The following ZNF157 variants were observed in gnomAD, a reference collection of about 807,000 sequenced individuals.
ZNF157 encodes the protein zinc finger protein 22.
Under a neutral mutation model 9.4 loss-of-function variants are expected in ZNF157, and 8 were observed. That is an observed-to-expected ratio of 0.85 (90% CI 0.50 to 1.53). The LOEUF (loss-of-function observed/expected upper bound fraction) is 1.53, where lower values mean the gene tolerates loss of function less well. ZNF157 is among the 40% of genes most tolerant of loss of function. The pLI is 0.00. For missense variants in ZNF157, 316 were observed against 385.2 expected (o/e 0.82, Z 1.50); for synonymous variants, 120 against 130.8 (o/e 0.92, Z 0.56).
intron 1 of ZNF157, among the ~76,000 whole-genome samples, chrX:47,386,384 C>T (rs1396908815): frequency 1.8e-5 from 2 of 110,975 alleles, no homozygotes; most frequent in African/African-American, 3.3e-5. Flanking sequence ...TTCCTAACCC[C>T]GACACTAATC....
rs749241107 is a variant in ZNF157 at position 47,413,573 on chromosome X, A to C, written c.1500A>C (p.Thr500=). 8.4e-7 allele frequency: 1 copy of C among 1,195,534 alleles called. No individual in the cohort carries two copies. Among genetic ancestry groups the C allele is most frequent in the Admixed American group, 2.3e-5 (1 of 44,227 alleles). The change falls in exon 4 of 4, where the codon ACA becomes ACC. Residue 500 remains threonine, a synonymous_variant. Transcript: ENST00000377073. ...RTHIGWSWRC[T]MKKASH ...ACATAGGCTGGTCCTGGCGTTGTAC[A>C]ATGAAGAAAGCCTCTCACTGAAGAC...
intron 1 of ZNF157, among the ~76,000 whole-genome samples, chrX:47,393,481 C>T (rs867910850): frequency 8.9e-6 from 1 of 112,008 alleles, no homozygotes; most frequent in African/African-American, 3.2e-5. Context: ...ATAATCCCAT[C>T]TCTATTCCTG....
intron 1 of ZNF157, among the ~76,000 whole-genome samples, chrX:47,377,912 G>A (rs1319384705): frequency 9.1e-6 from 1 of 110,138 alleles, no homozygotes; most frequent in Admixed American, 9.9e-5. Context: ...TAATTGAGTA[G>A]TTTGTTTTCT....
Position 47,413,439 on chromosome X carries a change from C to T in ZNF157, c.1366C>T (p.Arg456Cys), listed in dbSNP as rs780874457. The change falls in exon 4 of 4, where the codon CGC (arginine) becomes TGC (cysteine). Residue 456 changes from arginine to cysteine, a missense_variant. Physicochemically the swap from Arg to Cys is radical, Grantham distance 180. Around this residue, in one of 3 missense-constraint regions of ZNF157, gnomAD observed 167 missense variants for 183.6 expected, o/e 0.91. Transcript: ENST00000377073. ...ECGNAFYVKV[R>C]LIEHQRIHTG... ...TGGAAATGCCTTCTATGTGAAAGTA[C>T]GCCTCATTGAACATCAGCGAATTCA... 3.6e-5 allele frequency: 43 copies of T among 1,209,467 alleles called. No individual in the cohort carries two copies. In the Middle Eastern group the frequency reaches 1.1e-3, roughly 32 times the overall value.
At chrX:47,386,469 G>GT (rs917451793) in intron 1 of ZNF157, among the ~76,000 whole-genome samples, 33 of 108,959 alleles carry the variant, frequency 3.0e-4, no homozygotes, top group African/African-American at 6.0e-4. Context: ...GACTTTTTTT[G>GT]TTTTTTTTTG....
intron 1 of ZNF157, among the ~76,000 whole-genome samples, chrX:47,379,301 A>G (rs1348226938): frequency 9.0e-6 from 1 of 110,581 alleles, no homozygotes; most frequent in Non-Finnish European, 1.9e-5. Context: ...CTGGTGTTGT[A>G]TTTAAAAACT....
chrX:47,384,010 C>T (rs2055872242), intron 1 of ZNF157, among the ~76,000 whole-genome samples: 1 of 110,046 alleles, frequency 9.1e-6, no homozygotes, highest in South Asian at 3.9e-4. Flanking sequence ...TTGCTCACCC[C>T]TGTAATCCCA....
At chrX:47,370,866 A>G (rs2055826686) in intron 1 of ZNF157, 126 bp downstream of exon 1, 4 of 575,525 alleles carry the variant, frequency 7.0e-6, no homozygotes, top group Non-Finnish European at 1.0e-5. Context: ...TTTTGTCCCC[A>G]GTAGTAACAT....
At chrX:47,399,632 G>A (rs1443599337) in intron 1 of ZNF157, among the ~76,000 whole-genome samples, 1 of 111,812 alleles carries the variant, frequency 8.9e-6, no homozygotes, top group African/African-American at 3.2e-5. Context: ...AACTTGGGAA[G>A]GTGTGTAAGC....
chrX:47,393,523 G>A (rs1374687889), intron 1 of ZNF157, among the ~76,000 whole-genome samples: 1 of 111,079 alleles, frequency 9.0e-6, no homozygotes, highest in Non-Finnish European at 1.9e-5. Flanking sequence ...GGATCCTTGA[G>A]TATCACAAAG....
chrX:47,400,921 T>C (rs2055928690), intron 1 of ZNF157, among the ~76,000 whole-genome samples: 1 of 111,771 alleles, frequency 8.9e-6, no homozygotes, highest in Non-Finnish European at 1.9e-5. Flanking sequence ...CCTCCCAAAG[T>C]ACTGGGACTA....
chrX:47,382,282 CTTTTTTTTTTTT>C (rs764704009), intron 1 of ZNF157, among the ~76,000 whole-genome samples: 2 of 53,357 alleles, frequency 3.7e-5, no homozygotes, highest in Non-Finnish European at 6.2e-5. Flanking sequence ...TTCAACAGAA[CTTTTTTTTTTTT>C]TTTTTTTTTT....
intron 1 of ZNF157, among the ~76,000 whole-genome samples, chrX:47,385,237 T>A (rs2055876074): frequency 8.9e-6 from 1 of 112,174 alleles, no homozygotes; most frequent in South Asian, 3.6e-4. Flanking sequence ...TTTGAAGATT[T>A]AATTAAATAA....
At chrX:47,388,734 G>A (rs1435925346) in intron 1 of ZNF157, 4 of 156,368 alleles carry the variant, frequency 2.6e-5, no homozygotes, top group Non-Finnish European at 5.3e-5. Context: ...TGTGACGGGG[G>A]GCACAAAACT....
rs750068685 is a variant in ZNF157, at chrX:47,412,974, C to A, written c.901C>A (p.Pro301Thr). ...CCACAGAACTCATACAGGGGAGAAACCTTATGAATGTGGGGAGTGTGGGAA... is the reference window on the plus strand; with the variant it reads ...CCACAGAACTCATACAGGGGAGAAAACTTATGAATGTGGGGAGTGTGGGAA... ...QHHRTHTGEK[P>T]YECGECGKNF... The change falls in exon 4 of 4, where the codon CCT becomes ACT. Residue 301 changes from proline (P) to threonine (T), a missense_variant. Physicochemically the swap from Pro to Thr is conservative, Grantham distance 38. Transcript: ENST00000377073. 8.3e-7 allele frequency: 1 copy of A among 1,210,570 alleles called. No homozygotes were observed. The highest frequency in any genetic ancestry group is 1.1e-6 in the Non-Finnish European group (1 of 894,909).
chrX:47,387,103 G>A (rs2055881818), intron 1 of ZNF157, among the ~76,000 whole-genome samples: 1 of 108,330 alleles, frequency 9.2e-6, no homozygotes. Context: ...GACTACAGGC[G>A]TGCACCACCA....
At chrX:47,370,854 G>C in intron 1 of ZNF157, 114 bp downstream of exon 1, 2 of 687,561 alleles carry the variant, frequency 2.9e-6, no homozygotes. Context: ...CATTTACCTA[G>C]TTTTTGTCCC....
At chrX:47,395,320 G>T (rs749499405) in intron 1 of ZNF157, among the ~76,000 whole-genome samples, 3 of 111,793 alleles carry the variant, frequency 2.7e-5, no homozygotes, top group Non-Finnish European at 5.6e-5. Flanking sequence ...GAATAGCTGG[G>T]GCTACAGGTG....
At chrX:47,398,965 C>T (rs1189724634) in intron 1 of ZNF157, among the ~76,000 whole-genome samples, 1 of 111,076 alleles carries the variant, frequency 9.0e-6, no homozygotes, top group Non-Finnish European at 1.9e-5. Flanking sequence ...AGCCACTGCA[C>T]CTGGCCTGTA....
Sources: gnomAD v4.1 joint callset for allele counts (sites outside exome capture counted in the v4.1 genomes callset) on GRCh38, gnomAD v4.1.1 for gene constraint, gnomAD v4.1.1 regional missense constraint, MANE v1.5 for transcripts, NCBI Gene and HGNC (gene_info 2026-07-23, HGNC 2026-07-21) for gene names.